LRRC4C: variants seen among roughly 807,000 people sequenced by gnomAD.
The protein encoded by LRRC4C is leucine rich repeat containing 4C, also known as leucine-rich repeat-containing protein 4C.
In LRRC4C, 5 loss-of-function variants were observed where a neutral mutation model predicts 33.6. That is an observed-to-expected ratio of 0.15 (90% CI 0.08 to 0.31). The LOEUF (loss-of-function observed/expected upper bound fraction) is 0.31, where lower values mean the gene tolerates loss of function less well. Among genes scored for constraint, LRRC4C ranks in the 10% least tolerant of loss-of-function variants. The pLI is 1.00. For missense variants in LRRC4C, 560 were observed against 796.7 expected, an observed-to-expected ratio of 0.70 and a Z score of 3.58; for synonymous variants, 329 against 302.0, an observed-to-expected ratio of 1.09 and a Z score of -0.93.
chr11:40,153,405 A>G (rs565269191), intron 5 of LRRC4C, among the ~76,000 whole-genome samples: 2 of 152,206 alleles, frequency 1.3e-5, no homozygotes, highest in African/African-American at 4.8e-5. Flanking sequence ...TGAAAATCAC[A>G]CTAGTTCACC....
intron 1 of LRRC4C, among the ~76,000 whole-genome samples, chr11:41,274,959 G>C (rs995871108): frequency 2.0e-5 from 3 of 152,080 alleles, no homozygotes; most frequent in African/African-American, 7.2e-5. Flanking sequence ...GAGATGTATG[G>C]GTCATGGGGG....
At chr11:40,152,904 C>T (rs1362538115) in intron 5 of LRRC4C, among the ~76,000 whole-genome samples, 1 of 152,060 alleles carries the variant, frequency 6.6e-6, no homozygotes, top group Non-Finnish European at 1.5e-5. Flanking sequence ...GTTGCAGGGC[C>T]CTGTCCACTA....
intron 4 of LRRC4C, among the ~76,000 whole-genome samples, chr11:40,319,147 C>T (rs533810905): frequency 1.3e-5 from 2 of 152,298 alleles, no homozygotes; most frequent in South Asian, 4.1e-4. Context: ...GAAGGAAACT[C>T]CATTATAGCA....
chr11:41,177,431 T>C (rs1180571812), intron 1 of LRRC4C, among the ~76,000 whole-genome samples: 1 of 152,172 alleles, frequency 6.6e-6, no homozygotes, highest in Non-Finnish European at 1.5e-5. Flanking sequence ...CTAGGGAAGA[T>C]GTTGAGATAA....
intron 3 of LRRC4C, among the ~76,000 whole-genome samples, chr11:40,402,687 G>A (rs1174252298): frequency 6.6e-6 from 1 of 152,048 alleles, no homozygotes; most frequent in African/African-American, 2.4e-5. Context: ...ATAAGTCAGA[G>A]AGCTAATGTA....
chr11:40,418,599 C>T (rs1950411339), intron 3 of LRRC4C, among the ~76,000 whole-genome samples: 1 of 152,192 alleles, frequency 6.6e-6, no homozygotes, highest in Non-Finnish European at 1.5e-5. Flanking sequence ...AGCCAGCAAT[C>T]CCATTACTGG....
chr11:40,269,420 C>A (rs905736621), intron 4 of LRRC4C, among the ~76,000 whole-genome samples: 1 of 152,200 alleles, frequency 6.6e-6, no homozygotes. Context: ...ACCATTATTT[C>A]TATTTACTAT....
intron 2 of LRRC4C, among the ~76,000 whole-genome samples, chr11:40,764,222 A>T (rs1342058946): frequency 6.6e-6 from 1 of 152,100 alleles, no homozygotes; most frequent in African/African-American, 2.4e-5. Flanking sequence ...ACAGAAGGAA[A>T]CCTGTTGCCT....
At chr11:40,233,964 G>A (rs938902386) in intron 5 of LRRC4C, among the ~76,000 whole-genome samples, 3 of 152,066 alleles carry the variant, frequency 2.0e-5, no homozygotes, top group Non-Finnish European at 2.9e-5. Context: ...TAAGCCTCAC[G>A]AAAACTCTAG....
At chr11:41,178,406 C>T (rs1008008053) in intron 1 of LRRC4C, among the ~76,000 whole-genome samples, 1 of 152,090 alleles carries the variant, frequency 6.6e-6, no homozygotes, top group Non-Finnish European at 1.5e-5. Context: ...CCCAGGATGG[C>T]GTGATCATGT....
At chr11:40,218,981 T>A (rs1273706890) in intron 5 of LRRC4C, among the ~76,000 whole-genome samples, 1 of 152,150 alleles carries the variant, frequency 6.6e-6, no homozygotes, top group Non-Finnish European at 1.5e-5. Context: ...CTCTTTCACC[T>A]CTTTTTGTTA....
chr11:40,468,746 C>G (rs937685504), intron 3 of LRRC4C, among the ~76,000 whole-genome samples: 5 of 151,986 alleles, frequency 3.3e-5, no homozygotes, highest in Non-Finnish European at 5.9e-5. Context: ...CCCAAACTTA[C>G]AAGTCAAACT....
intron 3 of LRRC4C, among the ~76,000 whole-genome samples, chr11:40,625,317 AC>A (rs766543367): frequency 1.9e-4 from 29 of 152,294 alleles, no homozygotes; most frequent in Middle Eastern, 3.4e-3. Flanking sequence ...TAACTTACAA[AC>A]AAAAAGATGT....
chr11:41,143,292 A>C (rs567245543), intron 1 of LRRC4C, among the ~76,000 whole-genome samples: 1 of 143,580 alleles, frequency 7.0e-6, no homozygotes, highest in Non-Finnish European at 1.5e-5. Flanking sequence ...TTTAAAAAAT[A>C]AATTTTCCAG....
chr11:40,961,454 T>A lies in LRRC4C; in HGVS notation c.-495-27731A>T, dbSNP rs1850973120. The stretch of plus-strand genomic sequence containing the variant: ...TCCCTGAAATAAAAGTATTGCAAAC[T>A]TCCCAATATCAGTTCTATGTTTTCC... On this transcript the variant is annotated intron_variant, in intron 1 of 6. Coordinates refer to ENST00000528697, the MANE Select transcript of LRRC4C (RefSeq NM_001258419.2). Among the ~76,000 whole-genome samples the A allele has an allele frequency of 2.6e-5, 4 of 151,704 alleles. No homozygotes were observed. In the South Asian group the frequency reaches 8.3e-4, roughly 31 times the overall value.
At chr11:40,857,016 T>G (rs1191185338) in intron 2 of LRRC4C, among the ~76,000 whole-genome samples, 2 of 152,202 alleles carry the variant, frequency 1.3e-5, no homozygotes, top group Admixed American at 1.3e-4. Context: ...GTTCATTTTA[T>G]AGATGAGGCC....
chr11:40,152,105 G>A (rs1053561012), intron 5 of LRRC4C, among the ~76,000 whole-genome samples: 1 of 152,076 alleles, frequency 6.6e-6, no homozygotes, highest in African/African-American at 2.4e-5. Context: ...TGCAGGACTC[G>A]AGAGACACCC....
chr11:40,149,344 T>C (rs1454744818), intron 5 of LRRC4C, among the ~76,000 whole-genome samples: 2 of 152,228 alleles, frequency 1.3e-5, no homozygotes, highest in Admixed American at 6.5e-5. Context: ...CATTTGTTTA[T>C]GTCATCTCTG....
chr11:40,535,566 A>G (rs927951828), intron 3 of LRRC4C, among the ~76,000 whole-genome samples: 6 of 152,352 alleles, frequency 3.9e-5, no homozygotes, highest in African/African-American at 1.4e-4. Flanking sequence ...TCTCCATAAG[A>G]TGCCAACAAA....
Sources: allele counts gnomAD v4.1 joint callset (sites outside exome capture counted in the v4.1 genomes callset), GRCh38; gene constraint gnomAD v4.1.1; transcripts MANE v1.5; gene names NCBI Gene and HGNC (gene_info 2026-07-23, HGNC 2026-07-21).